Variants in MTREX observed in about 807,000 individuals in gnomAD.
The protein encoded by MTREX is exosome RNA helicase MTR4.
Under a neutral mutation model 135.4 loss-of-function variants are expected in MTREX, and 76 were observed. That is an observed-to-expected ratio of 0.56 (90% CI 0.47 to 0.68). The LOEUF (loss-of-function observed/expected upper bound fraction) is 0.68. MTREX is among the 30% of genes least tolerant of loss of function. MTREX has a pLI of 0.00. For missense variants in MTREX, 920 were observed against 1,262.1 expected (o/e 0.73, Z 4.11); for synonymous variants, 404 against 401.6 (o/e 1.01, Z -0.07).
chr5:55,355,190 T>C (rs1163823752), intron 14 of MTREX, among the ~76,000 whole-genome samples: 1 of 151,708 alleles, frequency 6.6e-6, no homozygotes, highest in Non-Finnish European at 1.5e-5. Context: ...GCATGATGGG[T>C]GTGTATGATG....
chr5:55,308,009 C>G lies in MTREX; in HGVS notation c.-5C>G, dbSNP rs971594090. 10 of 1,614,012 alleles carry G rather than the reference C, an allele frequency of 6.2e-6. No homozygotes were observed. Among genetic ancestry groups the G allele is most frequent in the Non-Finnish European group, 8.5e-6 (10 of 1,179,976 alleles). Reference sequence around the variant, plus strand: ...GAGGGAGATTTGCTCTCACTGCTCCCAAAAATGGCGGACGCATTCGGAGAT... The same window carrying G: ...GAGGGAGATTTGCTCTCACTGCTCCGAAAAATGGCGGACGCATTCGGAGAT... On this transcript the variant is annotated 5_prime_UTR_variant, in exon 1 of 27. Coordinates refer to ENST00000230640, the MANE Select transcript of MTREX (RefSeq NM_015360.5).
chr5:55,329,752 A>C (rs73120299), intron 5 of MTREX, among the ~76,000 whole-genome samples: 20,946 of 151,900 alleles, frequency 0.14, 1,768 homozygotes, highest in East Asian at 0.26. Context: ...TACCTTTGAT[A>C]CTCTGTACAT....
intron 16 of MTREX, among the ~76,000 whole-genome samples, chr5:55,368,994 C>T (rs968263319): frequency 1.3e-5 from 2 of 152,016 alleles, no homozygotes; most frequent in East Asian, 1.9e-4. Flanking sequence ...TAATGCCCCT[C>T]GTTTGGCTGA....
chr5:55,424,973 G>A lies in MTREX; in HGVS notation c.*201G>A, dbSNP rs1013919362. ...ATTTTTTTAATAAAAATGTATACAG[G>A]TGGGGCACTGTTTTGGTGGAAGGCT... On this transcript the variant is annotated 3_prime_UTR_variant, in exon 27 of 27. Transcript: ENST00000230640. 1 of 645,084 alleles carries A rather than the reference G, an allele frequency of 1.6e-6. No homozygotes were observed. The highest frequency in any genetic ancestry group is 2.6e-6 in the Non-Finnish European group (1 of 384,250). 40.0% of individuals were successfully genotyped at this position (645,084 alleles called of 1,614,324 possible). A position where few individuals can be genotyped will look rare whatever the true frequency, so the allele number is the denominator to read the frequency against.
chr5:55,382,341 A>T (rs907158484), intron 18 of MTREX, among the ~76,000 whole-genome samples: 1 of 152,094 alleles, frequency 6.6e-6, no homozygotes, highest in Non-Finnish European at 1.5e-5. Flanking sequence ...ATGTATATAT[A>T]TGTATATTTA....
At chr5:55,356,267 G>T (rs1749910459) in intron 14 of MTREX, 1 of 153,308 alleles carries the variant, frequency 6.5e-6, no homozygotes, top group African/African-American at 2.4e-5. Context: ...GAATGGCCAG[G>T]CTGAGATCAT....
intron 21 of MTREX, among the ~76,000 whole-genome samples, chr5:55,402,856 G>GTA: frequency 3.4e-5 from 2 of 59,678 alleles, no homozygotes; most frequent in African/African-American, 9.6e-5. Flanking sequence ...GTATGTATGT[G>GTA]TGTGTGTGTG....
intron 25 of MTREX, among the ~76,000 whole-genome samples, chr5:55,418,051 G>A (rs1222889866): frequency 1.2e-4 from 18 of 151,360 alleles, no homozygotes; most frequent in Admixed American, 1.1e-3. Context: ...TGGCTAACAC[G>A]GTGAAACCCC....
In MTREX at chr5:55,405,603, T is replaced by G; in HGVS notation, c.2645+15T>G. 1 of 1,594,932 alleles carries G rather than the reference T, an allele frequency of 6.3e-7. No homozygotes were observed. The highest frequency in any genetic ancestry group is 8.5e-7 in the Non-Finnish European group (1 of 1,170,826). On this transcript the variant is annotated intron_variant, in intron 22 of 26. Transcript: ENST00000230640. ...GAGATAAGCAGGTAAAATCTGGTTA[T>G]TGTTCTAGAAAGTTCATTTTTTTTT...
intron 3 of MTREX, chr5:55,327,467 G>GTAGAAAACAACATAGAACAGAA: frequency 2.6e-6 from 1 of 391,370 alleles, no homozygotes; most frequent in Admixed American, 3.9e-5. Context: ...TTTCCTCAGG[G>GTAGAAAACAACATAGAACAGAA]AGATAAACAT....
At chr5:55,370,081 G>A (rs943810541) in intron 16 of MTREX, among the ~76,000 whole-genome samples, 9 of 151,718 alleles carry the variant, frequency 5.9e-5, no homozygotes, top group South Asian at 2.1e-4. Flanking sequence ...GCACCACCAC[G>A]CCCAGCTAAT....
chr5:55,417,408 C>G (rs1464109040), intron 25 of MTREX, among the ~76,000 whole-genome samples: 2 of 152,206 alleles, frequency 1.3e-5, no homozygotes, highest in East Asian at 3.8e-4. Context: ...AAACTCTGGT[C>G]TCTGTAACTA....
chr5:55,368,774 G>A (rs920042819), intron 16 of MTREX, among the ~76,000 whole-genome samples: 2 of 151,514 alleles, frequency 1.3e-5, no homozygotes, highest in Non-Finnish European at 2.9e-5. Flanking sequence ...CATTAATAAA[G>A]TGATGAGAAT....
chr5:55,322,216 A>G lies in MTREX; in HGVS notation c.135-111A>G, dbSNP rs1749300339. On this transcript the variant is annotated intron_variant, in intron 1 of 26. Transcript: ENST00000230640. ...CAGCCAGTTGTTGTTTGTAACATTC[A>G]TCTATTTAAAACATGACTTTCTGTT... The G allele has an allele frequency of 2.0e-5, 17 of 849,136 alleles. No individual in the cohort carries two copies. The South Asian group carries it at 6.1e-4, about 31-fold the overall frequency. 52.6% of individuals were successfully genotyped at this position (849,136 alleles called of 1,614,324 possible).
chr5:55,312,879 A>G (rs114847479), intron 1 of MTREX, among the ~76,000 whole-genome samples: 127 of 152,214 alleles, frequency 8.3e-4, no homozygotes, highest in African/African-American at 3.0e-3. Flanking sequence ...GACTCACTAT[A>G]CACTTTCAGT....
At chr5:55,349,477 C>T (rs980580676) in intron 11 of MTREX, 96 bp from the exon 12 acceptor site, 12 of 728,460 alleles carry the variant, frequency 1.6e-5, no homozygotes, top group African/African-American at 1.4e-4. Context: ...GCTTGGGACA[C>T]CACGCCTGGC....
chr5:55,372,001 G>C (rs1320262305), intron 16 of MTREX, among the ~76,000 whole-genome samples: 1 of 152,012 alleles, frequency 6.6e-6, no homozygotes, highest in African/African-American at 2.4e-5. Flanking sequence ...ATGCTTCCCT[G>C]TTATCCCCCA....
At chr5:55,393,677 A>G (rs1750603840) in intron 19 of MTREX, among the ~76,000 whole-genome samples, 1 of 152,250 alleles carries the variant, frequency 6.6e-6, no homozygotes, top group Non-Finnish European at 1.5e-5. Context: ...GCAAGTTTCC[A>G]CTGATTGCTC....
At chr5:55,343,247 C>T (rs979084099) in intron 7 of MTREX, 84 bp from the exon 8 acceptor site, 3 of 1,231,808 alleles carry the variant, frequency 2.4e-6, no homozygotes, top group African/African-American at 1.5e-5. Context: ...AACTATAAAG[C>T]TTCAGAGAAT....
Sources: allele counts gnomAD v4.1 joint callset (sites outside exome capture counted in the v4.1 genomes callset), GRCh38; gene constraint gnomAD v4.1.1; transcripts MANE v1.5; gene names NCBI Gene and HGNC (gene_info 2026-07-23, HGNC 2026-07-21).